CHADL: variants seen among roughly 807,000 people sequenced by gnomAD.
CHADL encodes chondroadherin like, also known as chondroadherin-like protein.
A neutral mutation model predicts 52.1 loss-of-function variants in CHADL; 48 were observed. The observed-to-expected ratio is 0.92, with a 90% confidence interval of 0.73 to 1.17. CHADL has a LOEUF of 1.17. Ranked by LOEUF, CHADL falls within the 50% of genes most tolerant of loss-of-function variation. CHADL has a pLI of 0.00. For missense variants in CHADL, 977 were observed against 1,035.1 expected (o/e 0.94, Z 0.77); for synonymous variants, 498 against 511.2 (o/e 0.97, Z 0.35).
Position 41,237,664 on chromosome 22 carries a change from C to T in CHADL, c.1408G>A (p.Ala470Thr), listed in dbSNP as rs1298878317. 1.0e-5 allele frequency: 16 copies of T among 1,543,444 alleles called. No individual in the cohort carries two copies. Among genetic ancestry groups the T allele is most frequent in the Non-Finnish European group, 1.4e-5 (16 of 1,142,198 alleles). Reference protein sequence around the residue: ...GIAELEAGALAGLGRLIYLYL... With the variant: ...GIAELEAGALTGLGRLIYLYL... ...AGGTAGATCAGGCGGCCCAGCCCGG[C>T]CAGGGCGCCCGCTTCCAGCTCCGCG... Residue 470 changes from alanine (A) to threonine (T), a missense_variant, in exon 3 of 6, where the codon GCC becomes ACC. Transcript: ENST00000216241.
chr22:41,236,756 C>A, intron 3 of CHADL, 106 bp from the exon 4 acceptor site: 2 of 1,165,228 alleles, frequency 1.7e-6, no homozygotes, highest in Non-Finnish European at 2.4e-6. Flanking sequence ...AGCTGGAGAG[C>A]CCAAGCTGGT....
chr22:41,231,920 C>G (rs9611522), intron 5 of CHADL, among the ~76,000 whole-genome samples: 1 of 152,102 alleles, frequency 6.6e-6, no homozygotes, highest in African/African-American at 2.4e-5. Flanking sequence ...TCAAGAGCCC[C>G]TACCCAGGTG....
chr22:41,235,358 G>C lies in CHADL; in HGVS notation c.2064-15C>G. On this transcript the variant is annotated splice_polypyrimidine_tract_variant and intron_variant, in intron 4 of 5. Transcript: ENST00000216241. ...CAGTAAGCCACCTGAAGAGAAAAGA[G>C]AGCTGGGGAGCTAGCTGTGCTGATT... 2 of 1,547,538 alleles carry C rather than the reference G, an allele frequency of 1.3e-6. No homozygotes were observed. The highest frequency in any genetic ancestry group is 8.7e-7 in the Non-Finnish European group (1 of 1,145,124).
In CHADL at chr22:41,238,265, C is replaced by G. The variant is rs1281356784; in HGVS notation, c.807G>C (p.Leu269=). ...LLLDGGALQA[L]GPRAFAHCPR... ...GACAGTGTGCGAAGGCCCTGGGACC[C>G]AGGGCCTGCAGGGCCCCGCCGTCCA... The change falls in exon 3 of 6, where the codon CTG becomes CTC. Residue 269 remains leucine, a synonymous_variant. Coordinates refer to ENST00000216241, the MANE Select transcript of CHADL (RefSeq NM_138481.2). This position sits in a 1 kb window ranked among gnomAD's most constrained non-coding sequence, Gnocchi z 4.9. 4 of 1,530,148 alleles carry G rather than the reference C, an allele frequency of 2.6e-6. No individual in the cohort carries two copies. Among genetic ancestry groups the G allele is most frequent in the Non-Finnish European group, 3.5e-6 (4 of 1,144,652 alleles). 94.8% of individuals were successfully genotyped at this position (1,530,148 alleles called of 1,614,324 possible).
rs1174499743 is a variant in CHADL at position 41,237,865 on chromosome 22, C to A, written c.1207G>T (p.Val403Phe). The change falls in exon 3 of 6, where the codon GTC becomes TTC. Residue 403 changes from valine to phenylalanine, a missense_variant. By Grantham distance (50) the Val-to-Phe change is conservative. Transcript: ENST00000216241. Reference protein sequence around the residue: ...VAPCPRACVCVPESRHSSCEG... With the variant: ...VAPCPRACVCFPESRHSSCEG... Reference sequence around the variant, plus strand: ...CAGCTGCTGTGCCGGGACTCGGGGACGCACACGCAGGCGCGAGGGCAAGGC... The same window carrying A: ...CAGCTGCTGTGCCGGGACTCGGGGAAGCACACGCAGGCGCGAGGGCAAGGC... 1.4e-5 allele frequency: 20 copies of A among 1,407,020 alleles called. No individual in the cohort carries two copies. The highest frequency in any genetic ancestry group is 1.6e-5 in the Non-Finnish European group (17 of 1,085,338). The allele number at this position is 1,407,020 out of a possible 1,614,324, so 87.2% of individuals were successfully genotyped here.
chr22:41,235,099 G>T (rs1346216331), intron 5 of CHADL, 46 bp downstream of exon 5: 11 of 1,535,938 alleles, frequency 7.2e-6, no homozygotes, highest in Non-Finnish European at 9.7e-6. Context: ...TTTGGAACCT[G>T]GCCCACCACC....
In CHADL at chr22:41,237,328, G is replaced by A. The variant is rs2032762391; in HGVS notation, c.1744C>T (p.Arg582Ter). 3.9e-6 allele frequency: 6 copies of A among 1,550,544 alleles called. No individual in the cohort carries two copies. Among genetic ancestry groups the A allele is most frequent in the Non-Finnish European group, 5.2e-6 (6 of 1,146,956 alleles). The change falls in exon 3 of 6, where the codon CGA becomes TGA. Residue 582 changes from arginine to a stop codon, truncating the protein, a stop_gained. Transcript: ENST00000216241. LOFTEE classifies it high-confidence loss of function. Reference protein sequence around the residue: ...EKLHLDRNQLREVPTGALEGL... With the variant: ...EKLHLDRNQL ...TCCAAGGCCCCAGTGGGCACCTCTC[G>A]CAGCTGATTCCTGTCCAGGTGCAGC...
chr22:41,230,000 C>T (rs2032473740), intron 5 of CHADL: 1 of 713,744 alleles, frequency 1.4e-6, no homozygotes, highest in Non-Finnish European at 2.4e-6. Context: ...CCACTGCCCT[C>T]CCAGAAGGGA....
chr22:41,237,956 A>G lies in CHADL; in HGVS notation c.1116T>C (p.Ala372=). 1 of 1,263,316 alleles carries G rather than the reference A, an allele frequency of 7.9e-7. No homozygotes were observed. The allele number at this position is 1,263,316 out of a possible 1,614,324, so 78.3% of individuals were successfully genotyped here. A position where few individuals can be genotyped will look rare whatever the true frequency, so the allele number is the denominator to read the frequency against. ...AQEEEELEER[A]VAGPRAPPRG... ...GCGGAGGGGCGCGGGGCCCGGCCAC[A>G]GCCCGCTCTTCCAGCTCTTCCTCTT... Residue 372 remains alanine, a synonymous_variant, in exon 3 of 6, where the codon GCT becomes GCC. Coordinates refer to ENST00000216241, the MANE Select transcript of CHADL (RefSeq NM_138481.2).
intron 5 of CHADL, chr22:41,230,547 C>T: frequency 2.4e-6 from 1 of 413,504 alleles, no homozygotes. Context: ...GCTGCCTGCT[C>T]TTCCTTAAGA....
chr22:41,232,729 G>A (rs577431628), intron 5 of CHADL, among the ~76,000 whole-genome samples: 78 of 152,204 alleles, frequency 5.1e-4, no homozygotes, highest in Admixed American at 7.9e-4. Context: ...GTGGGGACCC[G>A]GGGTGTCTTT....
intron 5 of CHADL, among the ~76,000 whole-genome samples, chr22:41,232,121 AG>A (rs2032613456): frequency 6.6e-6 from 1 of 151,590 alleles, no homozygotes; most frequent in Admixed American, 6.6e-5. Context: ...TCACAAGGTC[AG>A]GAGATCGAGA....
At position 41,239,358 on chromosome 22, in the gene CHADL, C is replaced by A. The variant is rs2032819833; in HGVS notation, c.186+85G>T. 3 of 1,290,382 alleles carry A rather than the reference C, an allele frequency of 2.3e-6. No homozygotes were observed. In the African/African-American group the frequency reaches 4.6e-5, roughly 20 times the overall value. The allele number at this position is 1,290,382 out of a possible 1,614,324, so 79.9% of individuals were successfully genotyped here. On this transcript the variant is annotated intron_variant, in intron 2 of 5. Coordinates refer to ENST00000216241, the MANE Select transcript of CHADL (RefSeq NM_138481.2). The stretch of plus-strand genomic sequence containing the variant: ...GTCTCCCGGGCAGGCGGTGGCAGAT[C>A]AACTGGTGCCCAGCCCAGGCTCCTC...
intron 5 of CHADL, 118 bp from the exon 6 acceptor site, chr22:41,229,848 C>G: frequency 1.1e-6 from 1 of 933,000 alleles, no homozygotes; most frequent in Non-Finnish European, 1.7e-6. Flanking sequence ...GGAGCTGAGT[C>G]CCCCTCTAGC....
chr22:41,235,212 C>T lies in CHADL; in HGVS notation c.2195G>A (p.Arg732Gln), dbSNP rs960011388. The change falls in exon 5 of 6, where the codon CGG (arginine) becomes CAG (glutamine). Residue 732 changes from arginine (R) to glutamine (Q), a missense_variant. Physicochemically the swap from Arg to Gln is conservative, Grantham distance 43. Coordinates refer to ENST00000216241, the MANE Select transcript of CHADL (RefSeq NM_138481.2). ...GGCACTGGGCCTGGAGGCTGGTGTC[C>T]GCTTGGCCTTTCTGGCAGCCCAGCC... ...CPGWAARKAK[R>Q]TPASRPSARR... 61 of 1,551,406 alleles carry T rather than the reference C, an allele frequency of 3.9e-5. No individual in the cohort carries two copies. Among genetic ancestry groups the T allele is most frequent in the South Asian group, 1.9e-4 (16 of 84,068 alleles).
chr22:41,235,257 G>A lies in CHADL; in HGVS notation c.2150C>T (p.Ala717Val). ...CCAGCCCGGGCAGTCTTCAAAGACA[G>A]CAGCTGCAGCCTTCACCCTCTGGCC... ...ARGQRVKAAAAVFEDCPGWAA... is the reference protein window; with the variant it reads ...ARGQRVKAAAVVFEDCPGWAA... Residue 717 changes from alanine (A) to valine (V), a missense_variant, in exon 5 of 6, where the codon GCT (alanine) becomes GTT (valine). By Grantham distance (64) the Ala-to-Val change is moderately conservative. Coordinates refer to ENST00000216241, the MANE Select transcript of CHADL (RefSeq NM_138481.2). The A allele has an allele frequency of 3.2e-6, 5 of 1,551,364 alleles. No individual in the cohort carries two copies. Among genetic ancestry groups the A allele is most frequent in the Non-Finnish European group, 4.4e-6 (5 of 1,147,008 alleles).
In CHADL at chr22:41,229,732, T is replaced by C. The variant is rs759499904; in HGVS notation, c.2263-2A>G. On this transcript the variant is annotated splice_acceptor_variant, in intron 5 of 5. Coordinates refer to ENST00000216241, the MANE Select transcript of CHADL (RefSeq NM_138481.2). LOFTEE classifies it high-confidence loss of function. ...GAGACGACCCTTCTCCTTCCCCACCTGGGCACAGAAGAGTAGAGTCAGGTT... is the reference window on the plus strand; with the variant it reads ...GAGACGACCCTTCTCCTTCCCCACCCGGGCACAGAAGAGTAGAGTCAGGTT... 1.2e-6 allele frequency: 2 copies of C among 1,611,014 alleles called. No individual in the cohort carries two copies. Among genetic ancestry groups the C allele is most frequent in the East Asian group, 4.5e-5 (2 of 44,838 alleles).
rs2032809362 is a variant in CHADL at position 41,238,944 on chromosome 22, G to T, written c.187-59C>A. 4.8e-6 allele frequency: 7 copies of T among 1,470,050 alleles called. No homozygotes were observed. Among genetic ancestry groups the T allele is most frequent in the Non-Finnish European group, 5.4e-6 (6 of 1,106,544 alleles). 91.1% of individuals were successfully genotyped at this position (1,470,050 alleles called of 1,614,324 possible). ...AGGCAGGGACCCCGCCTTTGCAAGT[G>T]CTGCTTCTTCCCCGGAACACTCTTT... is the stretch of plus-strand genomic sequence containing the variant. On this transcript the variant is annotated intron_variant, in intron 2 of 5. Transcript: ENST00000216241. The surrounding 1 kb of genome is among the most constrained non-coding windows in gnomAD (Gnocchi z 4.9).
intron 5 of CHADL, chr22:41,230,312 C>T (rs2032514783): frequency 1.7e-6 from 2 of 1,206,060 alleles, no homozygotes; most frequent in Non-Finnish European, 2.5e-6. Context: ...TCTACCACCA[C>T]CACCATGCCT....
Sources: gnomAD v4.1 joint callset for allele counts (sites outside exome capture counted in the v4.1 genomes callset) on GRCh38, gnomAD v4.1.1 for gene constraint, Gnocchi (gnomAD v3.1) non-coding constraint, MANE v1.5 for transcripts, NCBI Gene and HGNC (gene_info 2026-07-23, HGNC 2026-07-21) for gene names.